Variants in DNMBP observed in about 807,000 individuals in gnomAD.
The protein encoded by DNMBP is dynamin-binding protein.
A neutral mutation model predicts 150.0 loss-of-function variants in DNMBP; 87 were observed. The observed-to-expected ratio is 0.58, with a 90% CI of 0.49 to 0.69. The LOEUF is 0.69. DNMBP is among the 30% of genes least tolerant of loss of function. The pLI is 0.00. For synonymous variants in DNMBP, 711 were observed against 750.4 expected (o/e 0.95, Z 0.86); for missense variants, 1,774 against 1,949.0 (o/e 0.91, Z 1.69).
intron 4 of DNMBP, 46 bp from the exon 5 acceptor site, chr10:99,909,192 A>C (rs1006323256): frequency 6.6e-7 from 1 of 1,510,270 alleles, no homozygotes; most frequent in African/African-American, 1.4e-5. Flanking sequence ...GTGTAAAAGC[A>C]GCACCCTTCC....
chr10:99,969,379 T>C (rs2040653018), intron 2 of DNMBP, 142 bp from the exon 3 acceptor site: 5 of 814,226 alleles, frequency 6.1e-6, no homozygotes, highest in South Asian at 3.7e-5. Context: ...GGAGAATCTG[T>C]TGGAGAAGAA....
At chr10:99,977,746 A>T (rs1755738183) in intron 1 of DNMBP, among the ~76,000 whole-genome samples, 1 of 152,224 alleles carries the variant, frequency 6.6e-6, no homozygotes, top group Non-Finnish European at 1.5e-5. Context: ...GGGAAAATAT[A>T]TGAAACTCTT....
intron 4 of DNMBP, chr10:99,913,984 G>A (rs946576727): frequency 2.1e-5 from 31 of 1,489,376 alleles, no homozygotes; most frequent in Non-Finnish European, 2.7e-5. Flanking sequence ...GTGTGTGGAG[G>A]TGTGGGCCTG....
chr10:99,881,659 T>A (rs548353387), intron 15 of DNMBP, among the ~76,000 whole-genome samples: 2 of 152,354 alleles, frequency 1.3e-5, no homozygotes, highest in East Asian at 3.9e-4. Flanking sequence ...TGGAGCAGTT[T>A]CTTAAACAGC....
chr10:99,979,654 A>C (rs2040763202), intron 1 of DNMBP, among the ~76,000 whole-genome samples: 1 of 152,240 alleles, frequency 6.6e-6, no homozygotes, highest in South Asian at 2.1e-4. Flanking sequence ...GGAAGGCTAT[A>C]AACCATATTT....
At position 99,932,579 on chromosome 10, in the gene DNMBP, C is replaced by T. The variant is rs990459865; in HGVS notation, c.2260+22635G>A. Among the ~76,000 whole-genome samples the T allele has an allele frequency of 7.4e-4, 111 of 150,752 alleles. 1 individual carries two copies. Among genetic ancestry groups the T allele is most frequent in the African/African-American group, 2.6e-3 (105 of 40,920 alleles). ...GTTCCCCTGGCATTTAGAGACAGCC[C>T]AAAAGGAGTCCGTGAGGAACCCAGG... On this transcript the variant is annotated intron_variant, in intron 4 of 16. Transcript: ENST00000324109.
Position 99,896,157 on chromosome 10 carries a change from G to A in DNMBP, c.3051+110C>T, listed in dbSNP as rs561751988. 1.3e-5 allele frequency: 17 copies of A among 1,289,756 alleles called. No individual in the cohort carries two copies. The Admixed American group carries it at 1.9e-4, about 14-fold the overall frequency. The allele number at this position is 1,289,756 out of a possible 1,614,324, so 79.9% of individuals were successfully genotyped here. A position where few individuals can be genotyped will look rare whatever the true frequency, so the allele number is the denominator to read the frequency against. On this transcript the variant is annotated intron_variant, in intron 10 of 16. Coordinates refer to ENST00000324109, the MANE Select transcript of DNMBP (RefSeq NM_015221.4). ...CCTGTCTCCACCAGCTCGTAAAACC[G>A]GAGGACGTCTGAGGAAGGGAACCAC...
At chr10:99,880,892 T>G (rs1319858897) in intron 15 of DNMBP, among the ~76,000 whole-genome samples, 1 of 152,140 alleles carries the variant, frequency 6.6e-6, no homozygotes, top group Non-Finnish European at 1.5e-5. Context: ...TTGAGCCCAG[T>G]TCCCTGGTCA....
At chr10:99,886,734 T>A in intron 12 of DNMBP, 102 bp from the exon 13 acceptor site, 1 of 1,111,996 alleles carries the variant, frequency 9.0e-7, no homozygotes, top group Non-Finnish European at 1.3e-6. Flanking sequence ...CTGAACCACC[T>A]ACTTCGTTTC....
chr10:99,878,631 C>G (rs1449034789), intron 16 of DNMBP, among the ~76,000 whole-genome samples: 3 of 152,160 alleles, frequency 2.0e-5, no homozygotes, highest in Non-Finnish European at 1.5e-5. Context: ...AGAATCCAGA[C>G]AGTGGCAGAG....
Position 99,955,780 on chromosome 10 carries a change from C to T in DNMBP, c.1694G>A (p.Gly565Glu). The change falls in exon 4 of 17, where the codon GGG becomes GAG. Residue 565 changes from glycine to glutamate, a missense_variant. By Grantham distance (98) the Gly-to-Glu change is moderately conservative. Transcript: ENST00000324109. ...QLIEFEKSLA[G>E]PGTEPDKILR... is the part of the protein sequence containing the mutation. ...AATTTTATCTGGCTCTGTGCCGGGC[C>T]CTGCCAAGCTCTTCTCAAACTCGAT... The T allele has an allele frequency of 1.2e-6, 2 of 1,614,222 alleles. No individual in the cohort carries two copies. The highest frequency in any genetic ancestry group is 2.2e-5 in the South Asian group (2 of 91,088).
intron 4 of DNMBP, among the ~76,000 whole-genome samples, chr10:99,950,636 T>G (rs1197970929): frequency 1.3e-5 from 2 of 152,228 alleles, no homozygotes; most frequent in African/African-American, 4.8e-5. Context: ...TGTTATATTT[T>G]AGCAAAGAGA....
Position 99,956,975 on chromosome 10 carries a change from T to C in DNMBP, c.499A>G (p.Arg167Gly). The change falls in exon 4 of 17, where the codon AGG becomes GGG. Residue 167 changes from arginine to glycine, a missense_variant. Around this residue, in one of 2 missense-constraint regions of DNMBP, gnomAD observed 344 missense variants for 456.6 expected, o/e 0.75. Coordinates refer to ENST00000324109, the MANE Select transcript of DNMBP (RefSeq NM_015221.4). ...SAQLDEELDF[R>G]EGDVITIIGV... ...ATAATGGTGATCACATCCCCTTCCC[T>C]GAAGTCCAGCTCTTCATCCAGCTGA... The C allele has an allele frequency of 1.9e-6, 3 of 1,614,202 alleles. No individual in the cohort carries two copies. The highest frequency in any genetic ancestry group is 2.5e-6 in the Non-Finnish European group (3 of 1,180,014).
intron 4 of DNMBP, among the ~76,000 whole-genome samples, chr10:99,949,244 C>A (rs2040393741): frequency 6.6e-6 from 1 of 152,100 alleles, no homozygotes; most frequent in Non-Finnish European, 1.5e-5. Flanking sequence ...GTATTTGAGT[C>A]CCTACTATGT....
intron 1 of DNMBP, among the ~76,000 whole-genome samples, chr10:100,005,668 G>A (rs1057513851): frequency 1.3e-5 from 2 of 150,972 alleles, no homozygotes; most frequent in East Asian, 3.9e-4. Context: ...GGCAGGAAAT[G>A]GCTTGAACCC....
At chr10:99,901,258 A>G (rs1365923236) in intron 6 of DNMBP, among the ~76,000 whole-genome samples, 1 of 152,110 alleles carries the variant, frequency 6.6e-6, no homozygotes, top group African/African-American at 2.4e-5. Flanking sequence ...GTATTAAATA[A>G]CCAAATGTAG....
intron 1 of DNMBP, among the ~76,000 whole-genome samples, chr10:99,977,175 G>A (rs1044088367): frequency 6.6e-6 from 1 of 152,168 alleles, no homozygotes; most frequent in Admixed American, 6.5e-5. Context: ...TCACTGAGGA[G>A]CACACACCCT....
Position 99,879,932 on chromosome 10 carries a change from C to G in DNMBP, c.4427G>C (p.Gly1476Ala). The G allele has an allele frequency of 6.2e-7, 1 of 1,614,198 alleles. No individual in the cohort carries two copies. The change falls in exon 16 of 17, where the codon GGC becomes GCC. Residue 1476 changes from glycine (G) to alanine (A), a missense_variant. Gly to Ala is a moderately conservative substitution (Grantham distance 60). This residue lies in a region of DNMBP where 1,430 missense variants were observed against 1,492.5 expected (regional missense o/e 0.96). Coordinates refer to ENST00000324109, the MANE Select transcript of DNMBP (RefSeq NM_015221.4). ...CCCATTTCGTCCTGGTACGGAGTAG[C>G]CAACTATTTCTGGATGCCTGAAGTT... The part of the protein sequence containing the change: ...YRNFRHPEIV[G>A]YSVPGRNGQS...
intron 1 of DNMBP, among the ~76,000 whole-genome samples, chr10:99,993,103 T>C (rs1283208213): frequency 6.6e-6 from 1 of 152,160 alleles, no homozygotes; most frequent in Non-Finnish European, 1.5e-5. Context: ...AGGGTTGTAA[T>C]GAAATTAATA....
Sources: gnomAD v4.1 joint callset for allele counts (sites outside exome capture counted in the v4.1 genomes callset) on GRCh38, gnomAD v4.1.1 for gene constraint, gnomAD v4.1.1 regional missense constraint, MANE v1.5 for transcripts, NCBI Gene and HGNC (gene_info 2026-07-23, HGNC 2026-07-21) for gene names.